The following AHCY variants were observed in gnomAD, a reference collection of about 807,000 sequenced individuals.
The protein encoded by AHCY is S-adenosyl-L-homocysteine hydrolase.
A neutral mutation model predicts 45.4 loss-of-function variants in AHCY; 24 were observed. The ratio of observed to expected loss-of-function variants is 0.53; its 90% CI spans 0.38 to 0.74. AHCY has a LOEUF of 0.74. AHCY is among the 30% of genes least tolerant of loss of function. AHCY has a pLI of 0.00. For synonymous variants in AHCY, 245 were observed against 235.1 expected (o/e 1.04, Z -0.39); for missense variants, 449 against 594.1 (o/e 0.76, Z 2.54).
At chr20:34,298,609 A>AGGGGGGGGGGGGGGGGGGGGGGGGGG (rs35505406) in intron 1 of AHCY, among the ~76,000 whole-genome samples, 1 of 83,116 alleles carries the variant, frequency 1.2e-5, no homozygotes, top group Non-Finnish European at 2.6e-5. Context: ...CGGCGGCGGG[A>AGGGGGGGGGGGGGGGGGGGGGGGGGG]GGGGGGGGGG....
intron 9 of AHCY, among the ~76,000 whole-genome samples, chr20:34,282,384 G>C (rs2036032435): frequency 6.6e-6 from 1 of 152,194 alleles, no homozygotes; most frequent in South Asian, 2.1e-4. Flanking sequence ...CAGAAATCTT[G>C]ACCGCAACCT....
the AHCY span, among the ~76,000 whole-genome samples, chr20:34,234,374 G>A: frequency 9.8e-5 from 15 of 152,324 alleles, no homozygotes; most frequent in Admixed American, 5.2e-4. Context: ...GATAGCTTTT[G>A]TTTTAGACCA....
chr20:34,280,946 T>A lies in AHCY; in HGVS notation c.*88A>T. 36 of 1,582,858 alleles carry A rather than the reference T, an allele frequency of 2.3e-5. No individual in the cohort carries two copies. The highest frequency in any genetic ancestry group is 2.9e-5 in the Non-Finnish European group (34 of 1,162,062). ...TCGATGGGGGACACTGACAAACCAATCACAAAGTTGGTGCCATTAGCTCTT... is the reference window on the plus strand; with the variant it reads ...TCGATGGGGGACACTGACAAACCAAACACAAAGTTGGTGCCATTAGCTCTT... On this transcript the variant is annotated 3_prime_UTR_variant, in exon 10 of 10. Transcript: ENST00000217426.
chr20:34,303,309 G>A lies in AHCY; in HGVS notation c.-39C>T, dbSNP rs1377713103. ...GTGATGGAAACGGGCGAAGGGGGCT[G>A]GGCCTCAGTCTGGGAACAGGAACTG... On this transcript the variant is annotated 5_prime_UTR_variant, in exon 1 of 10. Transcript: ENST00000217426. The A allele has an allele frequency of 5.8e-6, 9 of 1,551,690 alleles. No individual in the cohort carries two copies. The highest frequency in any genetic ancestry group is 1.2e-5 in the South Asian group (1 of 84,064).
the AHCY span, among the ~76,000 whole-genome samples, chr20:34,254,917 C>T: frequency 2.0e-5 from 3 of 152,208 alleles, no homozygotes; most frequent in Admixed American, 2.0e-4. Flanking sequence ...CAATCCAAGA[C>T]TCAGTCCAAC....
intron 4 of AHCY, 86 bp from the exon 5 acceptor site, chr20:34,291,617 C>G: frequency 8.0e-7 from 1 of 1,244,324 alleles, no homozygotes; most frequent in Non-Finnish European, 1.2e-6. Context: ...AAAGCCATTC[C>G]TCTTTCTGGG....
the AHCY span, among the ~76,000 whole-genome samples, chr20:34,258,248 T>G: frequency 6.6e-6 from 1 of 152,038 alleles, no homozygotes; most frequent in African/African-American, 2.4e-5. Context: ...CCATCATGAT[T>G]CTTACAATCT....
chr20:34,292,600 A>T, intron 3 of AHCY, 93 bp from the exon 4 acceptor site: 1 of 1,571,114 alleles, frequency 6.4e-7, no homozygotes, highest in Non-Finnish European at 8.7e-7. Flanking sequence ...CCTCCTTCCC[A>T]ACTCCCATCC....
chr20:34,303,375 G>A, upstream of AHCY: 6 of 1,484,180 alleles, frequency 4.0e-6, no homozygotes, highest in Non-Finnish European at 4.6e-6. Context: ...TGGCGCCGAC[G>A]CCTTTAAATA....
chr20:34,288,844 C>T (rs949624672), intron 8 of AHCY, among the ~76,000 whole-genome samples: 2 of 152,034 alleles, frequency 1.3e-5, no homozygotes, highest in Non-Finnish European at 2.9e-5. Context: ...AAAAAATAAA[C>T]TCATAATAAT....
the AHCY span, among the ~76,000 whole-genome samples, chr20:34,235,786 GAAGAAAGA>G: frequency 0.017 from 1,073 of 61,380 alleles, 49 homozygotes; most frequent in Non-Finnish European, 0.021. Context: ...CTCTGAGAAA[GAAGAAAGA>G]AAGAAAGAAA....
chr20:34,295,287 G>A (rs573032001), intron 2 of AHCY, 108 bp downstream of exon 2: 42 of 1,364,858 alleles, frequency 3.1e-5, no homozygotes, highest in East Asian at 4.9e-5. Flanking sequence ...CTCCAGGCCC[G>A]CGGTCAGCTC....
At chr20:34,267,011 G>GA in the AHCY span, among the ~76,000 whole-genome samples, 1 of 152,184 alleles carries the variant, frequency 6.6e-6, no homozygotes, top group Non-Finnish European at 1.5e-5. Context: ...GTGTGATCTT[G>GA]AAAGTCCCTG....
intron 8 of AHCY, among the ~76,000 whole-genome samples, chr20:34,287,467 T>C (rs569875294): frequency 2.7e-5 from 4 of 148,940 alleles, no homozygotes; most frequent in Non-Finnish European, 4.4e-5. Flanking sequence ...CTCAGCTCAC[T>C]GCAACCTCCA....
At chr20:34,282,141 G>A (rs6088456) in intron 9 of AHCY, among the ~76,000 whole-genome samples, 6,551 of 151,286 alleles carry the variant, frequency 0.043, 213 homozygotes, top group Non-Finnish European at 0.062. Context: ...ATGAATAGAA[G>A]AAAGCAGAAG....
chr20:34,235,870 G>GAAGGA, the AHCY span, among the ~76,000 whole-genome samples: 8 of 28,966 alleles, frequency 2.8e-4, no homozygotes, highest in South Asian at 3.1e-3. Flanking sequence ...GGAAGGAAAG[G>GAAGGA]AAGGAAGGAA....
downstream of AHCY, among the ~76,000 whole-genome samples, chr20:34,278,004 G>T (rs1446243699): frequency 6.6e-6 from 1 of 152,142 alleles, no homozygotes; most frequent in East Asian, 1.9e-4. Flanking sequence ...GCTAGGCCTG[G>T]ATACTGCAGG....
intron 1 of AHCY, among the ~76,000 whole-genome samples, chr20:34,310,987 G>A (rs1052710790): frequency 2.0e-5 from 3 of 152,068 alleles, no homozygotes; most frequent in Non-Finnish European, 2.9e-5. Context: ...TTAGGCGGGC[G>A]TGGTGGCACA....
Position 34,285,444 on chromosome 20 carries a change from T to G in AHCY, c.1163A>C (p.Lys388Thr). The change falls in exon 9 of 10, where the codon AAG (lysine) becomes ACG (threonine). Residue 388 changes from lysine (K) to threonine (T), a missense_variant. Lys to Thr is a moderately conservative substitution (Grantham distance 78). Transcript: ENST00000217426. The part of the protein sequence containing the change: ...KYPVGVHFLP[K>T]KLDEAVAEAH... ...GAGGTAGAAGAATAAACCCACCTTC[T>G]TGGGCAGGAAATGAACCCCAACGGG... The G allele has an allele frequency of 6.2e-7, 1 of 1,613,970 alleles. No homozygotes were observed. The highest frequency in any genetic ancestry group is 8.5e-7 in the Non-Finnish European group (1 of 1,179,856).
Sources: gnomAD v4.1 joint callset for allele counts (sites outside exome capture counted in the v4.1 genomes callset) on GRCh38, gnomAD v4.1.1 for gene constraint, MANE v1.5 for transcripts, NCBI Gene and HGNC (gene_info 2026-07-23, HGNC 2026-07-21) for gene names.